The following KPNA3 variants were observed in gnomAD, a reference collection of about 807,000 sequenced individuals.
KPNA3 encodes karyopherin subunit alpha 3, also known as importin subunit alpha-4.
In KPNA3, 13 loss-of-function variants were observed where a neutral mutation model predicts 73.8. The ratio of observed to expected loss-of-function variants is 0.18; its 90% CI spans 0.11 to 0.28. KPNA3 has a LOEUF of 0.28. Ranked by LOEUF, KPNA3 falls within the 10% of genes least tolerant of loss-of-function variation. The pLI, the probability that KPNA3 is intolerant of heterozygous loss-of-function variation, is 1.00. For missense variants in KPNA3, 360 were observed against 618.1 expected, an observed-to-expected ratio of 0.58 and a Z score of 4.43; for synonymous variants, 186 against 206.9, an observed-to-expected ratio of 0.90 and a Z score of 0.87.
chr13:49,767,894 T>TA (rs1455033428), intron 1 of KPNA3, among the ~76,000 whole-genome samples: 1 of 152,206 alleles, frequency 6.6e-6, no homozygotes, highest in Non-Finnish European at 1.5e-5. Context: ...ACTTGTGCTT[T>TA]ATTACTAAGT....
intron 16 of KPNA3, 78 bp downstream of exon 16, chr13:49,702,308 G>T: frequency 1.3e-6 from 1 of 765,216 alleles, no homozygotes. Context: ...AATAATAAAA[G>T]GAAAACTCTT....
In KPNA3 at chr13:49,755,105, T is replaced by C. The variant is rs1954699367; in HGVS notation, c.70-8112A>G. ...AAAAAGAAACTGCAGGCCAATATTCTCAATGACTGCAGATACAAAAATCCT... is the reference window on the plus strand; with the variant it reads ...AAAAAGAAACTGCAGGCCAATATTCCCAATGACTGCAGATACAAAAATCCT... On this transcript the variant is annotated intron_variant, in intron 1 of 16. Transcript: ENST00000261667. Among the ~76,000 whole-genome samples the C allele has an allele frequency of 2.0e-5, 3 of 151,976 alleles. No homozygotes were observed. The South Asian group carries it at 6.2e-4, about 32-fold the overall frequency.
intron 1 of KPNA3, among the ~76,000 whole-genome samples, chr13:49,777,854 G>C (rs558314448): frequency 6.6e-6 from 1 of 152,118 alleles, no homozygotes; most frequent in Non-Finnish European, 1.5e-5. Flanking sequence ...ACTGCAATAT[G>C]AGGAAACCTT....
At chr13:49,770,179 CTTT>C (rs35910811) in intron 1 of KPNA3, among the ~76,000 whole-genome samples, 6 of 83,836 alleles carry the variant, frequency 7.2e-5, no homozygotes, top group South Asian at 4.9e-4. Context: ...TTGTGGGCTG[CTTT>C]TTTTTTTTTT....
chr13:49,762,933 A>AAAAAG (rs1954780739), intron 1 of KPNA3, among the ~76,000 whole-genome samples: 1 of 98,712 alleles, frequency 1.0e-5, no homozygotes, highest in African/African-American at 2.8e-5. Flanking sequence ...AAAACAAAAA[A>AAAAAG]AGAAGAGGAG....
At chr13:49,762,162 GC>G (rs1245906626) in intron 1 of KPNA3, among the ~76,000 whole-genome samples, 115 of 149,990 alleles carry the variant, frequency 7.7e-4, no homozygotes, top group African/African-American at 2.6e-3. Context: ...GTGGGGGGCA[GC>G]CCCCGCCCGG....
intron 1 of KPNA3, among the ~76,000 whole-genome samples, chr13:49,750,118 T>C (rs553493491): frequency 1.3e-5 from 2 of 152,330 alleles, no homozygotes; most frequent in East Asian, 3.9e-4. Flanking sequence ...TTAAAATACA[T>C]TGGGCAATAC....
chr13:49,703,271 C>T (rs1234360676), intron 15 of KPNA3, among the ~76,000 whole-genome samples: 2 of 150,646 alleles, frequency 1.3e-5, no homozygotes, highest in South Asian at 2.1e-4. Context: ...CAACCTCCAC[C>T]TCCTGGGTTC....
At position 49,722,093 on chromosome 13, in the gene KPNA3, T is replaced by G; in HGVS notation, c.588A>C (p.Ile196=). The G allele has an allele frequency of 6.2e-7, 1 of 1,606,038 alleles. No homozygotes were observed. Among genetic ancestry groups the G allele is most frequent in the Non-Finnish European group, 8.5e-7 (1 of 1,176,548 alleles). ...GDGPQCRDYV[I]SLGVVKPLLS... is the part of the protein sequence containing the mutation. ...GAAGAGGTTTGACAACTCCCAGTGA[T>G]ATGACATAATCTCTACATTGAGGAC... Residue 196 remains isoleucine (I), a synonymous_variant, in exon 9 of 17, where the codon ATA becomes ATC. Coordinates refer to ENST00000261667, the MANE Select transcript of KPNA3 (RefSeq NM_002267.4).
At position 49,792,516 on chromosome 13, in the gene KPNA3, C is replaced by G. The variant is rs1189265162; in HGVS notation, c.-10G>C. ...TGGGGTTCTCGGCCATGGCTGCGCG[C>G]GGCTCCGGCGGCGGCTACTCCTGCG... On this transcript the variant is annotated 5_prime_UTR_variant, in exon 1 of 17. Coordinates refer to ENST00000261667, the MANE Select transcript of KPNA3 (RefSeq NM_002267.4). The G allele has an allele frequency of 6.6e-7, 1 of 1,514,806 alleles. No individual in the cohort carries two copies. The highest frequency in any genetic ancestry group is 8.9e-7 in the Non-Finnish European group (1 of 1,122,084). 93.8% of individuals were successfully genotyped at this position (1,514,806 alleles called of 1,614,324 possible). A position where few individuals can be genotyped will look rare whatever the true frequency, so the allele number is the denominator to read the frequency against.
chr13:49,733,768 G>T (rs1954494005), intron 2 of KPNA3, among the ~76,000 whole-genome samples: 1 of 152,164 alleles, frequency 6.6e-6, no homozygotes, highest in Non-Finnish European at 1.5e-5. Flanking sequence ...GTTCTCTTTT[G>T]CAACTTTTTT....
rs761220931 is a variant in KPNA3 at position 49,732,784 on chromosome 13, A to AG, written c.205-9dup. On this transcript the variant is annotated splice_polypyrimidine_tract_variant and intron_variant, in intron 3 of 16. Coordinates refer to ENST00000261667, the MANE Select transcript of KPNA3 (RefSeq NM_002267.4). ...TTCTAGGGTTACATTTTGCTTAAAAAGAAAAAAAAAATAGTTCAGCAGAGT... is the reference window on the plus strand; with the variant it reads ...TTCTAGGGTTACATTTTGCTTAAAAAGGAAAAAAAAAATAGTTCAGCAGAGT... 6 of 1,557,116 alleles carry AG rather than the reference A, an allele frequency of 3.9e-6. No individual in the cohort carries two copies. Among genetic ancestry groups the AG allele is most frequent in the Non-Finnish European group, 2.6e-6 (3 of 1,138,934 alleles).
At chr13:49,702,540 C>T in intron 15 of KPNA3, 60 bp from the exon 16 acceptor site, 1 of 851,632 alleles carries the variant, frequency 1.2e-6, no homozygotes, top group East Asian at 2.7e-5. Flanking sequence ...CTAATCAAAA[C>T]CACACTCATT....
chr13:49,708,597 C>T (rs772853626), intron 12 of KPNA3, among the ~76,000 whole-genome samples: 10 of 152,002 alleles, frequency 6.6e-5, no homozygotes, highest in Non-Finnish European at 8.8e-5. Context: ...CAGCATTCTT[C>T]GTAATAGTGA....
intron 1 of KPNA3, among the ~76,000 whole-genome samples, chr13:49,782,748 G>A (rs902872265): frequency 3.3e-5 from 5 of 151,888 alleles, no homozygotes; most frequent in East Asian, 1.9e-4. Flanking sequence ...GCGTGGTGGC[G>A]TGCACCTGTC....
intron 1 of KPNA3, among the ~76,000 whole-genome samples, chr13:49,781,499 C>T (rs1360739670): frequency 6.6e-6 from 1 of 152,208 alleles, no homozygotes; most frequent in Non-Finnish European, 1.5e-5. Context: ...CAGTGCCTTA[C>T]ACATAGTTAA....
At chr13:49,703,014 G>T (rs919317346) in intron 15 of KPNA3, among the ~76,000 whole-genome samples, 1 of 151,554 alleles carries the variant, frequency 6.6e-6, no homozygotes, top group Non-Finnish European at 1.5e-5. Context: ...GACTACAGGC[G>T]CCCGCCACCA....
intron 1 of KPNA3, among the ~76,000 whole-genome samples, chr13:49,787,553 C>T (rs1414867262): frequency 2.0e-5 from 3 of 152,206 alleles, no homozygotes; most frequent in Non-Finnish European, 2.9e-5. Context: ...GTCGCCCAGA[C>T]TTGAGTGCAG....
intron 2 of KPNA3, among the ~76,000 whole-genome samples, chr13:49,739,408 T>C (rs1166403361): frequency 1.3e-5 from 2 of 152,176 alleles, no homozygotes; most frequent in Non-Finnish European, 2.9e-5. Flanking sequence ...TTTATTAGCT[T>C]GTGACTATGC....
Sources: allele counts gnomAD v4.1 joint callset (sites outside exome capture counted in the v4.1 genomes callset), GRCh38; gene constraint gnomAD v4.1.1; transcripts MANE v1.5; gene names NCBI Gene and HGNC (gene_info 2026-07-23, HGNC 2026-07-21).